LZTFL1: variants seen among roughly 807,000 people sequenced by gnomAD.
LZTFL1 encodes the protein leucine zipper transcription factor-like protein 1.
Under a neutral mutation model 45.9 loss-of-function variants are expected in LZTFL1, and 25 were observed. The ratio of observed to expected loss-of-function variants is 0.54; its 90% CI spans 0.40 to 0.76. LZTFL1 has a LOEUF of 0.76. Ranked by LOEUF, LZTFL1 falls within the 30% of genes least tolerant of loss-of-function variation. LZTFL1 has a pLI of 0.00. For missense variants in LZTFL1, 277 were observed against 331.1 expected, an observed-to-expected ratio of 0.84 and a Z score of 1.27; for synonymous variants, 93 against 117.4, an observed-to-expected ratio of 0.79 and a Z score of 1.35.
At chr3:45,830,772 T>A in intron 7 of LZTFL1, 141 bp downstream of exon 7, 1 of 712,534 alleles carries the variant, frequency 1.4e-6, no homozygotes, top group Non-Finnish European at 2.3e-6. Context: ...GGCAAGAATG[T>A]CCCAACACAT....
intron 2 of LZTFL1, among the ~76,000 whole-genome samples, chr3:45,861,375 G>A (rs910597880): frequency 6.6e-6 from 1 of 152,152 alleles, no homozygotes; most frequent in Non-Finnish European, 1.5e-5. Context: ...GTGCTGTTTG[G>A]TTTGCTGAAT....
At position 45,842,096 on chromosome 3, in the gene LZTFL1, A is replaced by T. The variant is rs1701136867; in HGVS notation, c.-105T>A. The T allele has an allele frequency of 6.4e-7, 1 of 1,562,940 alleles. No individual in the cohort carries two copies. Among genetic ancestry groups the T allele is most frequent in the Non-Finnish European group, 8.6e-7 (1 of 1,157,534 alleles). Reference sequence around the variant, plus strand: ...GTTGGACCACAGAAAATGGGGAAGGAGGGTAGGTTGTTTAGAAGCCTCTGG... The same window carrying T: ...GTTGGACCACAGAAAATGGGGAAGGTGGGTAGGTTGTTTAGAAGCCTCTGG... On this transcript the variant is annotated 5_prime_UTR_variant, in exon 1 of 10. Coordinates refer to ENST00000296135, the MANE Select transcript of LZTFL1 (RefSeq NM_020347.4).
At chr3:45,894,444 C>T (rs1466687077) in intron 2 of LZTFL1, among the ~76,000 whole-genome samples, 1 of 152,180 alleles carries the variant, frequency 6.6e-6, no homozygotes. Flanking sequence ...CTCAAAGCGA[C>T]CACTGTCCTG....
chr3:45,905,110 C>CA lies in LZTFL1; in HGVS notation c.-215+8009dup, dbSNP rs1158442941. Among the ~76,000 whole-genome samples, 20 of 152,136 alleles carry CA rather than the reference C, an allele frequency of 1.3e-4. No individual in the cohort carries two copies. In the East Asian group the frequency reaches 2.7e-3, roughly 21 times the overall value. On this transcript the variant is annotated intron_variant, in intron 2 of 4. Transcript: ENST00000472635. The stretch of plus-strand genomic sequence containing the variant: ...CTGCACCTGACATGTTTTAGATACT[C>CA]AAAAAAAATCTTTCTCTCCATTCAA...
At chr3:45,881,010 T>A (rs1481873376) in intron 2 of LZTFL1, among the ~76,000 whole-genome samples, 3 of 152,174 alleles carry the variant, frequency 2.0e-5, no homozygotes, top group African/African-American at 7.2e-5. Flanking sequence ...GATCTTCCAA[T>A]GAGATAATGC....
At chr3:45,854,942 AC>A (rs1239241237) in intron 4 of LZTFL1, 1 of 1,384,230 alleles carries the variant, frequency 7.2e-7, no homozygotes, top group Non-Finnish European at 9.8e-7. Flanking sequence ...AACAACCACC[AC>A]CAAAACATAA....
At chr3:45,899,528 T>C (rs1702476386) in intron 2 of LZTFL1, among the ~76,000 whole-genome samples, 1 of 152,252 alleles carries the variant, frequency 6.6e-6, no homozygotes, top group Non-Finnish European at 1.5e-5. Context: ...AGTCCAAATG[T>C]ATCCAGATGA....
At chr3:45,856,137 A>C (rs1405719599) in intron 3 of LZTFL1, among the ~76,000 whole-genome samples, 3 of 152,034 alleles carry the variant, frequency 2.0e-5, no homozygotes, top group Non-Finnish European at 4.4e-5. Flanking sequence ...TTCAAACTAT[A>C]CTACAAGGCT....
At position 45,915,267 on chromosome 3, in the gene LZTFL1, G is replaced by A. The variant is rs965734742; in HGVS notation, c.-273+154C>T. On this transcript the variant is annotated intron_variant, in intron 1 of 4. Coordinates refer to the LZTFL1 transcript ENST00000472635. ...AGCCCTGGGTCCAGCCCTCCTTGCAGCCTTTAGGGAGGCCCTTTCTGTTAC... is the reference window on the plus strand; with the variant it reads ...AGCCCTGGGTCCAGCCCTCCTTGCAACCTTTAGGGAGGCCCTTTCTGTTAC... Among the ~76,000 whole-genome samples, 5 of 152,290 alleles carry A rather than the reference G, an allele frequency of 3.3e-5. No individual in the cohort carries two copies. In the South Asian group the frequency reaches 1.0e-3, roughly 32 times the overall value.
rs74718475 is a variant in LZTFL1, at chr3:45,902,245, G to A, written c.-215+10875C>T. The A allele has an allele frequency of 3.6e-3, 761 of 209,742 alleles. 7 individuals are homozygous for A. Among genetic ancestry groups the A allele is most frequent in the African/African-American group, 0.016 (690 of 43,194 alleles). The allele number at this position is 209,742 out of a possible 1,614,324, so 13.0% of individuals were successfully genotyped here. ...TTCTCCATGCACTGTGAACTTCTGT[G>A]GCTTCAGTTCTCATGCTGCCTCTTC... On this transcript the variant is annotated intron_variant, in intron 2 of 4. Coordinates refer to the LZTFL1 transcript ENST00000472635.
At chr3:45,866,047 T>C (rs1014218980) in intron 2 of LZTFL1, among the ~76,000 whole-genome samples, 1 of 152,222 alleles carries the variant, frequency 6.6e-6, no homozygotes, top group Admixed American at 6.5e-5. Context: ...GTATTTGCTA[T>C]GTATTACAAT....
At chr3:45,882,076 C>A (rs1253145400) in intron 2 of LZTFL1, among the ~76,000 whole-genome samples, 3 of 152,322 alleles carry the variant, frequency 2.0e-5, no homozygotes, top group South Asian at 2.1e-4. Context: ...TTCCACATTG[C>A]AGAAAGTGCT....
rs139453648 is a variant in LZTFL1, at chr3:45,877,747, T to G, written c.-214-18731A>C. Among the ~76,000 whole-genome samples, 92 of 151,468 alleles carry G rather than the reference T, an allele frequency of 6.1e-4. 1 individual carries two copies. In the East Asian group the frequency reaches 0.015, roughly 25 times the overall value. ...TAATTTATTTCATTTATTAGTTTTT[T>G]TTTTTTTTTTTCCTGAGACAGAGTC... On this transcript the variant is annotated intron_variant, in intron 2 of 4. Transcript: ENST00000472635.
Position 45,827,400 on chromosome 3 carries a change from G to C in LZTFL1, c.837C>G (p.Thr279=). ...AAYRNMKEIL[T]KKNDQIKDLR... is the part of the protein sequence containing the mutation. Reference sequence around the variant, plus strand: ...GATCTTTGATTTGGTCATTCTTCTTGGTAAGAATCTCTTTCATGTTTCGAT... The same window carrying C: ...GATCTTTGATTTGGTCATTCTTCTTCGTAAGAATCTCTTTCATGTTTCGAT... The change falls in exon 9 of 10, where the codon ACC becomes ACG. Residue 279 remains threonine (T), a synonymous_variant. Transcript: ENST00000296135. 1.2e-6 allele frequency: 2 copies of C among 1,613,700 alleles called. No individual in the cohort carries two copies. Among genetic ancestry groups the C allele is most frequent in the South Asian group, 2.2e-5 (2 of 91,054 alleles).
At chr3:45,826,822 T>C (rs541635527) in intron 9 of LZTFL1, among the ~76,000 whole-genome samples, 157 of 152,234 alleles carry the variant, frequency 1.0e-3, no homozygotes, top group African/African-American at 3.6e-3. Flanking sequence ...CCACTTTAGG[T>C]TTCCCCCTGT....
chr3:45,840,028 A>C (rs1048298117), intron 1 of LZTFL1, among the ~76,000 whole-genome samples: 1 of 152,166 alleles, frequency 6.6e-6, no homozygotes, highest in Non-Finnish European at 1.5e-5. Context: ...TGCTCTTCCA[A>C]GTAGATTGTA....
At chr3:45,829,029 CA>C (rs1700743949) in intron 7 of LZTFL1, among the ~76,000 whole-genome samples, 1 of 151,858 alleles carries the variant, frequency 6.6e-6, no homozygotes, top group South Asian at 2.1e-4. Flanking sequence ...TAATTTATAC[CA>C]AAAACTTAAT....
chr3:45,868,138 G>A (rs1021860725), intron 2 of LZTFL1, among the ~76,000 whole-genome samples: 5 of 147,752 alleles, frequency 3.4e-5, no homozygotes, highest in African/African-American at 7.3e-5. Context: ...AAACCTGCAC[G>A]TTGTGCACAT....
chr3:45,827,412 T>A lies in LZTFL1; in HGVS notation c.825A>T (p.Lys275Asn). 1 of 1,614,068 alleles carries A rather than the reference T, an allele frequency of 6.2e-7. No individual in the cohort carries two copies. Among genetic ancestry groups the A allele is most frequent in the South Asian group, 1.1e-5 (1 of 91,084 alleles). Residue 275 changes from lysine to asparagine, a missense_variant, in exon 9 of 10, where the codon AAA (lysine) becomes AAT (asparagine). By Grantham distance (94) the Lys-to-Asn change is moderately conservative. Transcript: ENST00000296135. The part of the protein sequence containing the change: ...FQQTAAYRNM[K>N]EILTKKNDQI... Reference sequence around the variant, plus strand: ...GGTCATTCTTCTTGGTAAGAATCTCTTTCATGTTTCGATAAGCTGCTGTTT... The same window carrying A: ...GGTCATTCTTCTTGGTAAGAATCTCATTCATGTTTCGATAAGCTGCTGTTT...
Sources: gnomAD v4.1 joint callset for allele counts (sites outside exome capture counted in the v4.1 genomes callset) on GRCh38, gnomAD v4.1.1 for gene constraint, MANE v1.5 for transcripts, NCBI Gene and HGNC (gene_info 2026-07-23, HGNC 2026-07-21) for gene names.